The following FOSB variants were observed in gnomAD, a reference collection of about 807,000 sequenced individuals.
FOSB encodes the protein protein FosB.
Under a neutral mutation model 31.1 loss-of-function variants are expected in FOSB, and 8 were observed. The ratio of observed to expected loss-of-function variants is 0.26; its 90% CI spans 0.15 to 0.46. FOSB has a LOEUF of 0.46. Ranked by LOEUF, FOSB falls within the 20% of genes least tolerant of loss-of-function variation. The pLI is 0.99. For synonymous variants in FOSB, 214 were observed against 206.1 expected (o/e 1.04, Z -0.33); for missense variants, 376 against 460.6 (o/e 0.82, Z 1.68).
At chr19:45,471,467 G>C in intron 3 of FOSB, 166 bp downstream of exon 3, 2 of 521,796 alleles carry the variant, frequency 3.8e-6, no homozygotes, top group East Asian at 3.0e-5. Context: ...CACAAACACA[G>C]ACCCCCATGG....
chr19:45,470,854 A>G lies in FOSB; in HGVS notation c.352A>G (p.Ser118Gly). ...GAGTGGCTACAGCAGTGGCGGAGCG[A>G]GTGGCAGTGGTGGGCCTTCCACCAG... ...GMSGYSSGGA[S>G]GSGGPSTSGT... Residue 118 changes from serine (S) to glycine (G), a missense_variant, in exon 2 of 4, where the codon AGT becomes GGT. Ser to Gly is a moderately conservative substitution (Grantham distance 56, BLOSUM62 0). Transcript: ENST00000353609. 2 of 1,613,982 alleles carry G rather than the reference A, an allele frequency of 1.2e-6. No individual in the cohort carries two copies. Among genetic ancestry groups the G allele is most frequent in the Non-Finnish European group, 1.7e-6 (2 of 1,179,996 alleles).
In FOSB at chr19:45,470,849, G is replaced by A. The variant is rs1247224863; in HGVS notation, c.347G>A (p.Gly116Glu). The A allele has an allele frequency of 1.2e-5, 19 of 1,614,066 alleles. No homozygotes were observed. The highest frequency in any genetic ancestry group is 1.3e-5 in the Non-Finnish European group (15 of 1,180,032). Residue 116 changes from glycine to glutamate, a missense_variant, in exon 2 of 4, where the codon GGA (glycine) becomes GAA (glutamate). Coordinates refer to ENST00000353609, the MANE Select transcript of FOSB (RefSeq NM_006732.3). The part of the protein sequence containing the change: ...TPGMSGYSSG[G>E]ASGSGGPSTS... The stretch of plus-strand genomic sequence containing the variant: ...GGCATGAGTGGCTACAGCAGTGGCG[G>A]AGCGAGTGGCAGTGGTGGGCCTTCC...
At position 45,468,732 on chromosome 19, in the gene FOSB, G is replaced by C; in HGVS notation, c.126+20G>C. ...TCCCAGGTAAGTTTTTGATAGTAGG[G>C]GTGCTGCTTTGTAGGTTTTATTTTT... On this transcript the variant is annotated intron_variant, in intron 1 of 3. Transcript: ENST00000353609. The surrounding 1 kb of genome is among the most constrained non-coding windows in gnomAD (Gnocchi z 4.8). 2.5e-6 allele frequency: 4 copies of C among 1,585,528 alleles called. No individual in the cohort carries two copies. Among genetic ancestry groups the C allele is most frequent in the Non-Finnish European group, 2.6e-6 (3 of 1,170,612 alleles).
Position 45,468,577 on chromosome 19 carries a change from G to T in FOSB, c.-10G>T. On this transcript the variant is annotated 5_prime_UTR_variant, in exon 1 of 4. Transcript: ENST00000353609. The surrounding 1 kb of genome is among the most constrained non-coding windows in gnomAD (Gnocchi z 4.8). ...AGCGTGGTCACAGGGGCCCCCCTGTGCCCAGGGAAATGTTTCAGGCTTTCC... is the reference window on the plus strand; with the variant it reads ...AGCGTGGTCACAGGGGCCCCCCTGTTCCCAGGGAAATGTTTCAGGCTTTCC... 1 of 1,607,594 alleles carries T rather than the reference G, an allele frequency of 6.2e-7. No homozygotes were observed. The highest frequency in any genetic ancestry group is 8.5e-7 in the Non-Finnish European group (1 of 1,177,920).
At position 45,473,182 on chromosome 19, in the gene FOSB, G is replaced by T; in HGVS notation, c.*170G>T. The T allele has an allele frequency of 1.6e-6, 1 of 633,756 alleles. No homozygotes were observed. Among genetic ancestry groups the T allele is most frequent in the Non-Finnish European group, 2.7e-6 (1 of 366,648 alleles). 39.3% of individuals were successfully genotyped at this position (633,756 alleles called of 1,614,324 possible). ...CTGCGCCACTGCCATCGGACAGGAG[G>T]ATTCCTTGTGTTTTGTCCTGCCTCT... On this transcript the variant is annotated 3_prime_UTR_variant, in exon 4 of 4. Transcript: ENST00000353609.
chr19:45,474,442 G>A lies in FOSB; in HGVS notation c.*1430G>A, dbSNP rs1294922489. The A allele has an allele frequency of 6.6e-6, 1 of 152,336 alleles. No homozygotes were observed. Among genetic ancestry groups the A allele is most frequent in the Non-Finnish European group, 1.5e-5 (1 of 67,990 alleles). The allele number at this position is 152,336 out of a possible 1,614,324, so 9.4% of individuals were successfully genotyped here. A position where few individuals can be genotyped will look rare whatever the true frequency, so the allele number is the denominator to read the frequency against. On this transcript the variant is annotated 3_prime_UTR_variant, in exon 4 of 4. Coordinates refer to ENST00000353609, the MANE Select transcript of FOSB (RefSeq NM_006732.3). The stretch of plus-strand genomic sequence containing the variant: ...GGCAAATTTATATTTTTTAATATCG[G>A]GGGGTGGACCACGCCGCCCTCCATC...
At chr19:45,471,032 A>AC in intron 2 of FOSB, 83 bp downstream of exon 2, 1 of 1,438,268 alleles carries the variant, frequency 7.0e-7, no homozygotes, top group Non-Finnish European at 9.6e-7. Flanking sequence ...GGGGGGCTCC[A>AC]CTAAGGCCTC....
chr19:45,470,383 T>A, intron 1 of FOSB: 1 of 538,780 alleles, frequency 1.9e-6, no homozygotes, highest in Non-Finnish European at 3.3e-6. Flanking sequence ...GCTGGAACCG[T>A]GCAACCTTTC....
intron 1 of FOSB, chr19:45,470,356 G>C (rs1199688131): frequency 2.1e-6 from 1 of 477,836 alleles, no homozygotes; most frequent in Non-Finnish European, 3.7e-6. Context: ...ACCAACCCGG[G>C]GTGTGATTCA....
rs573196315 is a variant in FOSB at position 45,470,911 on chromosome 19, C to G, written c.409C>G (p.Pro137Ala). ...TACCAGTGGGCCTGGGCCTGCCCGCCCAGCCCGAGCCCGGCCTAGGAGACC... is the reference window on the plus strand; with the variant it reads ...TACCAGTGGGCCTGGGCCTGCCCGCGCAGCCCGAGCCCGGCCTAGGAGACC... ...GTTSGPGPAR[P>A]ARARPRRPRE... is the part of the protein sequence containing the mutation. Residue 137 changes from proline (P) to alanine (A), a missense_variant, in exon 2 of 4, where the codon CCA becomes GCA. Transcript: ENST00000353609. 6.2e-7 allele frequency: 1 copy of G among 1,613,482 alleles called. No individual in the cohort carries two copies. The highest frequency in any genetic ancestry group is 1.3e-5 in the African/African-American group (1 of 75,026).
At chr19:45,471,503 C>G (rs954131395) in intron 3 of FOSB, 3 of 438,888 alleles carry the variant, frequency 6.8e-6, no homozygotes, top group Admixed American at 6.6e-5. Flanking sequence ...TGGTCCCCCC[C>G]CCATTTCCTG....
At chr19:45,469,296 C>T (rs1967538977) in intron 1 of FOSB, among the ~76,000 whole-genome samples, 1 of 152,234 alleles carries the variant, frequency 6.6e-6, no homozygotes, top group Non-Finnish European at 1.5e-5. Flanking sequence ...GCGCGCGGCG[C>T]CCCCTTCGTC....
intron 3 of FOSB, 49 bp downstream of exon 3, chr19:45,471,350 T>C: frequency 7.7e-7 from 1 of 1,299,624 alleles, no homozygotes; most frequent in Non-Finnish European, 1.1e-6. Context: ...GGGAGCTCTC[T>C]CCCCATTCTC....
At position 45,468,549 on chromosome 19, in the gene FOSB, C is replaced by T; in HGVS notation, c.-38C>T. 6.3e-7 allele frequency: 1 copy of T among 1,581,160 alleles called. No homozygotes were observed. The highest frequency in any genetic ancestry group is 1.1e-5 in the South Asian group (1 of 86,974). The stretch of plus-strand genomic sequence containing the variant: ...GCCATAGCCTTGGCTTCCCGGCGAC[C>T]TCAGCGTGGTCACAGGGGCCCCCCT... On this transcript the variant is annotated 5_prime_UTR_variant, in exon 1 of 4. Transcript: ENST00000353609. The surrounding 1 kb of genome is among the most constrained non-coding windows in gnomAD (Gnocchi z 4.8).
Position 45,472,542 on chromosome 19 carries a change from T to C in FOSB, c.556-9T>C, listed in dbSNP as rs979203557. The C allele has an allele frequency of 6.6e-7, 1 of 1,506,816 alleles. No individual in the cohort carries two copies. The allele number at this position is 1,506,816 out of a possible 1,614,324, so 93.3% of individuals were successfully genotyped here. Reference sequence around the variant, plus strand: ...TCTCTCTTCTGTGACCTGGCCTCCCTGGCCTCAGGAGACAGATCAGTTGGA... The same window carrying C: ...TCTCTCTTCTGTGACCTGGCCTCCCCGGCCTCAGGAGACAGATCAGTTGGA... On this transcript the variant is annotated splice_polypyrimidine_tract_variant and intron_variant, in intron 3 of 3. Transcript: ENST00000353609. This position sits in a 1 kb window ranked among gnomAD's most constrained non-coding sequence, Gnocchi z 5.4.
In FOSB at chr19:45,470,877, C is replaced by A; in HGVS notation, c.375C>A (p.Thr125=). The A allele has an allele frequency of 6.2e-7, 1 of 1,614,012 alleles. No individual in the cohort carries two copies. The highest frequency in any genetic ancestry group is 8.5e-7 in the Non-Finnish European group (1 of 1,180,032). The change falls in exon 2 of 4, where the codon ACC becomes ACA. Residue 125 remains threonine (T), a synonymous_variant. Transcript: ENST00000353609. The part of the protein sequence containing the change: ...GGASGSGGPS[T]SGTTSGPGPA... ...CGAGTGGCAGTGGTGGGCCTTCCAC[C>A]AGCGGAACTACCAGTGGGCCTGGGC...
chr19:45,470,394 C>T (rs898725853), intron 1 of FOSB: 6 of 548,370 alleles, frequency 1.1e-5, no homozygotes, highest in African/African-American at 7.5e-5. Flanking sequence ...GCAACCTTTC[C>T]CCGAGGAAGA....
At chr19:45,469,611 G>A (rs1967560966) in intron 1 of FOSB, among the ~76,000 whole-genome samples, 1 of 152,118 alleles carries the variant, frequency 6.6e-6, no homozygotes, top group Admixed American at 6.5e-5. Context: ...CTAGTCCCTG[G>A]GCTCTCAGGA....
In FOSB at chr19:45,468,378, G is replaced by C; in HGVS notation, c.-209G>C. ...TCCTGTGGGGGCCTGGGCACCGCAG[G>C]AAGACTGCACAGAAACTTTGCCATT... On this transcript the variant is annotated 5_prime_UTR_variant, in exon 1 of 4. Transcript: ENST00000353609. The surrounding 1 kb of genome is among the most constrained non-coding windows in gnomAD (Gnocchi z 4.8). 1.7e-6 allele frequency: 1 copy of C among 584,386 alleles called. No individual in the cohort carries two copies. 36.2% of individuals were successfully genotyped at this position (584,386 alleles called of 1,614,324 possible).
Sources: allele counts gnomAD v4.1 joint callset (sites outside exome capture counted in the v4.1 genomes callset), GRCh38; gene constraint gnomAD v4.1.1; non-coding constraint Gnocchi (gnomAD v3.1); transcripts MANE v1.5; gene names NCBI Gene and HGNC (gene_info 2026-07-23, HGNC 2026-07-21).